DDX18: variants seen among roughly 807,000 people sequenced by gnomAD.
DDX18 encodes DEAD-box helicase 18, also known as ATP-dependent RNA helicase DDX18.
A neutral mutation model predicts 73.5 loss-of-function variants in DDX18; 23 were observed. The ratio of observed to expected loss-of-function variants is 0.31; its 90% CI spans 0.23 to 0.44. The LOEUF is 0.44. Among genes scored for constraint, DDX18 ranks in the 20% least tolerant of loss-of-function variants. The probability of loss-of-function intolerance (pLI) is 1.00; values close to 1 mark genes in which losing one functional copy is unlikely to be tolerated. For synonymous variants in DDX18, 268 were observed against 282.7 expected (o/e 0.95, Z 0.52); for missense variants, 753 against 792.9 (o/e 0.95, Z 0.60).
chr2:117,817,378 G>A (rs1679776420), intron 1 of DDX18, 66 bp from the exon 2 acceptor site: 24 of 1,433,336 alleles, frequency 1.7e-5, no homozygotes, highest in Non-Finnish European at 2.0e-5. Flanking sequence ...TCTCATTTGG[G>A]ATTTCAGTGT....
intron 1 of DDX18, 82 bp downstream of exon 1, chr2:117,814,944 C>T: frequency 7.1e-7 from 1 of 1,408,606 alleles, no homozygotes; most frequent in Non-Finnish European, 1.0e-6. Flanking sequence ...CCCAGCTGCT[C>T]TGTGTGACGG....
intron 7 of DDX18, 57 bp downstream of exon 7, chr2:117,822,318 G>A (rs776889103): frequency 1.4e-6 from 2 of 1,390,944 alleles, no homozygotes; most frequent in Non-Finnish European, 2.0e-6. Flanking sequence ...GTAGATAAGA[G>A]TTGTTCCTAT....
intron 2 of DDX18, among the ~76,000 whole-genome samples, chr2:117,818,162 AAAGG>A (rs1344433125): frequency 6.6e-6 from 1 of 152,228 alleles, no homozygotes; most frequent in Admixed American, 6.5e-5. Flanking sequence ...GGCAGGAGGA[AAAGG>A]AAGGAATGTT....
chr2:117,821,566 G>C, intron 4 of DDX18, 84 bp from the exon 5 acceptor site: 1 of 1,444,250 alleles, frequency 6.9e-7, no homozygotes, highest in Non-Finnish European at 9.6e-7. Flanking sequence ...TCATGTTCTA[G>C]CCGTAGTGCC....
At position 117,830,620 on chromosome 2, in the gene DDX18, G is replaced by A. The variant is rs143254501; in HGVS notation, c.1909G>A (p.Gly637Ser). Reference protein sequence around the residue: ...SNEGKQKKRGGGGGFGYQKTK... With the variant: ...SNEGKQKKRGSGGGFGYQKTK... ...TGAAGGCAAGCAGAAAAAGCGAGGA[G>A]GTGGTGGTGGATTTGGCTACCAGAA... The change falls in exon 14 of 14, where the codon GGT (glycine) becomes AGT (serine). Residue 637 changes from glycine (G) to serine (S), a missense_variant. Gly to Ser is a moderately conservative substitution (Grantham distance 56). Transcript: ENST00000263239. 251 of 1,613,710 alleles carry A rather than the reference G, an allele frequency of 1.6e-4. No homozygotes were observed. The highest frequency in any genetic ancestry group is 1.2e-3 in the Middle Eastern group (7 of 6,076).
Position 117,829,323 on chromosome 2 carries a change from A to T in DDX18, c.1727A>T (p.His576Leu). ...TTGATTGAAAAGAATTACTTTCTTC[A>T]TAAGTCAGCCCAGGAAGCATATAAG... ...EKLIEKNYFL[H>L]KSAQEAYKSY... Residue 576 changes from histidine to leucine, a missense_variant, in exon 13 of 14, where the codon CAT (histidine) becomes CTT (leucine). Transcript: ENST00000263239. 5.0e-6 allele frequency: 8 copies of T among 1,605,368 alleles called. No homozygotes were observed. The highest frequency in any genetic ancestry group is 6.8e-6 in the Non-Finnish European group (8 of 1,177,468).
At chr2:117,828,375 GT>G (rs1170724926) in intron 11 of DDX18, 1 of 152,174 alleles carries the variant, frequency 6.6e-6, no homozygotes, top group East Asian at 1.9e-4. Context: ...GAATCTACAG[GT>G]TGACATTTCA....
Position 117,825,458 on chromosome 2 carries a change from G to A in DDX18, c.1380G>A (p.Lys460=). 1.2e-6 allele frequency: 2 copies of A among 1,611,810 alleles called. No homozygotes were observed. The highest frequency in any genetic ancestry group is 1.3e-5 in the African/African-American group (1 of 74,982). ...TTATTTAATTCTAGGGAAAGCAAAA[G>A]CAAAATAAGCGTACAACCACATTCT... ...LPVLAIHGKQ[K]QNKRTTTFFQ... Residue 460 remains lysine (K), a synonymous_variant, in exon 10 of 14, where the codon AAG becomes AAA. Transcript: ENST00000263239.
intron 1 of DDX18, among the ~76,000 whole-genome samples, chr2:117,816,019 A>C (rs373409120): frequency 6.6e-6 from 1 of 152,342 alleles, no homozygotes; most frequent in Admixed American, 6.5e-5. Flanking sequence ...AAGTGTATGT[A>C]TGGCTAAATA....
chr2:117,817,452 A>G lies in DDX18; in HGVS notation c.94A>G (p.Asn32Asp), dbSNP rs974470315. ...TCTGTTTATTTAAACAGGGGCCTCAAATCTGACCCTATCGGAAACTCAAAA... is the reference window on the plus strand; with the variant it reads ...TCTGTTTATTTAAACAGGGGCCTCAGATCTGACCCTATCGGAAACTCAAAA... ...QRNLKFQGAS[N>D]LTLSETQNGD... Residue 32 changes from asparagine (N) to aspartate (D), a missense_variant, in exon 2 of 14, where the codon AAT (asparagine) becomes GAT (aspartate). Asn to Asp is a conservative substitution (Grantham distance 23). Around this residue, in one of 3 missense-constraint regions of DDX18, gnomAD observed 345 missense variants for 352.0 expected, o/e 0.98. Coordinates refer to ENST00000263239, the MANE Select transcript of DDX18 (RefSeq NM_006773.4). 3.1e-6 allele frequency: 5 copies of G among 1,607,522 alleles called. No homozygotes were observed. The highest frequency in any genetic ancestry group is 4.2e-6 in the Non-Finnish European group (5 of 1,178,610).
At position 117,826,572 on chromosome 2, in the gene DDX18, T is replaced by G. The variant is rs534372033; in HGVS notation, c.1635+190T>G. ...GCACAGAAGGAACTGCCCACATGGC[T>G]CGGCTTTCTAGCTCTGTTACCCAGC... On this transcript the variant is annotated intron_variant, in intron 11 of 13. Transcript: ENST00000263239. 8.4e-6 allele frequency: 5 copies of G among 597,980 alleles called. No individual in the cohort carries two copies. In the East Asian group the frequency reaches 1.4e-4, roughly 17 times the overall value. 37.0% of individuals were successfully genotyped at this position (597,980 alleles called of 1,614,324 possible).
At chr2:117,827,145 T>A (rs538431150) in intron 11 of DDX18, 2 of 152,138 alleles carry the variant, frequency 1.3e-5, no homozygotes, top group Non-Finnish European at 2.9e-5. Context: ...TCTGGCATAG[T>A]CTTGATGATA....
intron 13 of DDX18, 47 bp downstream of exon 13, chr2:117,829,513 C>G (rs1003694756): frequency 6.4e-7 from 1 of 1,558,370 alleles, no homozygotes; most frequent in African/African-American, 1.4e-5. Context: ...GGAACAAAAG[C>G]TTGACAGAGG....
In DDX18 at chr2:117,826,757, A is replaced by G. The variant is rs538736140; in HGVS notation, c.1635+375A>G. The stretch of plus-strand genomic sequence containing the variant: ...GCAGTGGGGAATCCTTGTTCGCTCT[A>G]GCCTCTGCCTCCTCCCCTGCCCTCT... On this transcript the variant is annotated intron_variant, in intron 11 of 13. Transcript: ENST00000263239. 1.1e-4 allele frequency: 23 copies of G among 211,650 alleles called. No individual in the cohort carries two copies. The South Asian group carries it at 1.6e-3, about 14-fold the overall frequency. 13.1% of individuals were successfully genotyped at this position (211,650 alleles called of 1,614,324 possible). A position where few individuals can be genotyped will look rare whatever the true frequency, so the allele number is the denominator to read the frequency against.
In DDX18 at chr2:117,828,934, A is replaced by T; in HGVS notation, c.1636-15A>T. 1 of 1,570,414 alleles carries T rather than the reference A, an allele frequency of 6.4e-7. No individual in the cohort carries two copies. The highest frequency in any genetic ancestry group is 2.2e-5 in the East Asian group (1 of 44,628). On this transcript the variant is annotated splice_polypyrimidine_tract_variant and intron_variant, in intron 11 of 13. Coordinates refer to ENST00000263239, the MANE Select transcript of DDX18 (RefSeq NM_006773.4). ...ATCATCCTGGTTTACTAATCTTAAT[A>T]CTTTTGATTTCTAGGTTCCATTAAG...
chr2:117,821,314 G>A lies in DDX18; in HGVS notation c.650+18G>A. On this transcript the variant is annotated intron_variant, in intron 4 of 13. Coordinates refer to ENST00000263239, the MANE Select transcript of DDX18 (RefSeq NM_006773.4). The stretch of plus-strand genomic sequence containing the variant: ...GAAGGCAGGTATGATTAACATTGAA[G>A]CTTAGATATTGGCATCTATTTTTAG... 1 of 1,588,692 alleles carries A rather than the reference G, an allele frequency of 6.3e-7. No homozygotes were observed. The highest frequency in any genetic ancestry group is 1.2e-5 in the South Asian group (1 of 85,846).
chr2:117,830,441 A>G (rs1465474957), intron 13 of DDX18, 141 bp from the exon 14 acceptor site: 7 of 1,028,004 alleles, frequency 6.8e-6, no homozygotes, highest in Non-Finnish European at 9.6e-6. Context: ...TTTATTGCAT[A>G]GGCTTATGTT....
chr2:117,829,995 A>T lies in DDX18; in HGVS notation c.1870+529A>T, dbSNP rs78896921. Among the ~76,000 whole-genome samples the T allele has an allele frequency of 2.0e-3, 299 of 152,352 alleles. 2 individuals carry two copies. The highest frequency in any genetic ancestry group is 6.9e-3 in the African/African-American group (287 of 41,594). On this transcript the variant is annotated intron_variant, in intron 13 of 13. Coordinates refer to ENST00000263239, the MANE Select transcript of DDX18 (RefSeq NM_006773.4). ...AGGCAGGAGTACTTCCAGTTGCTTC[A>T]GTTGTGATTTATAATTTGTGCCTTT...
intron 13 of DDX18, among the ~76,000 whole-genome samples, chr2:117,830,231 T>TA (rs1679998471): frequency 6.6e-6 from 1 of 152,214 alleles, no homozygotes; most frequent in Non-Finnish European, 1.5e-5. Context: ...AGAGAAATGA[T>TA]AGTCATTTGT....
Sources: gnomAD v4.1 joint callset for allele counts (sites outside exome capture counted in the v4.1 genomes callset) on GRCh38, gnomAD v4.1.1 for gene constraint, gnomAD v4.1.1 regional missense constraint, MANE v1.5 for transcripts, NCBI Gene and HGNC (gene_info 2026-07-23, HGNC 2026-07-21) for gene names.